Variants in MCM6 observed in about 807,000 individuals in gnomAD.
The protein encoded by MCM6 is DNA replication licensing factor MCM6.
A neutral mutation model predicts 94.3 loss-of-function variants in MCM6; 46 were observed. The ratio of observed to expected loss-of-function variants is 0.49; its 90% CI spans 0.39 to 0.62. The LOEUF (loss-of-function observed/expected upper bound fraction) is 0.62, where lower values mean the gene tolerates loss of function less well. Ranked by LOEUF, MCM6 falls within the 20% of genes least tolerant of loss-of-function variation. The probability of loss-of-function intolerance (pLI) is 0.00; values close to 1 mark genes in which losing one functional copy is unlikely to be tolerated. For synonymous variants in MCM6, 335 were observed against 351.9 expected, an observed-to-expected ratio of 0.95 and a Z score of 0.54; for missense variants, 865 against 1,017.9, an observed-to-expected ratio of 0.85 and a Z score of 2.04.
In MCM6 at chr2:135,859,315, T is replaced by A. The variant is rs1450786387; in HGVS notation, c.1348A>T (p.Met450Leu). The A allele has an allele frequency of 1.2e-6, 2 of 1,613,442 alleles. No homozygotes were observed. Among genetic ancestry groups the A allele is most frequent in the African/African-American group, 2.7e-5 (2 of 74,900 alleles). Residue 450 changes from methionine (M) to leucine (L), a missense_variant, in exon 9 of 17, where the codon ATG (methionine) becomes TTG (leucine). Transcript: ENST00000264156. ...HEFVIEAGAL[M>L]LADNGVCCID... ...AATGTTCTTACATTATCAGCCAACA[T>A]CAAAGCTCCAGCCTCAATGACAAAC...
intron 9 of MCM6, among the ~76,000 whole-genome samples, chr2:135,858,364 G>A (rs1358233717): frequency 6.6e-6 from 1 of 152,100 alleles, no homozygotes; most frequent in Admixed American, 6.6e-5. Flanking sequence ...GTGTGCACCT[G>A]TAATCCCAGA....
Position 135,866,155 on chromosome 2 carries a change from A to G in MCM6, c.904T>C (p.Cys302Arg). Residue 302 changes from cysteine (C) to arginine (R), a missense_variant, in exon 6 of 17, where the codon TGT becomes CGT. By Grantham distance (180) the Cys-to-Arg change is radical (BLOSUM62 -3). This residue lies in a region of MCM6 where 404 missense variants were observed against 451.9 expected (regional missense o/e 0.89). Coordinates refer to ENST00000264156, the MANE Select transcript of MCM6 (RefSeq NM_005915.6). ...ACCCTTGGGTTGGTTGGCGCAACAC[A>G]GCAGGCAAGAAAGACCAGCCTATAA... ...LSYRLVFLAC[C>R]VAPTNPRFGG... 6.2e-7 allele frequency: 1 copy of G among 1,614,150 alleles called. No homozygotes were observed. Among genetic ancestry groups the G allele is most frequent in the Non-Finnish European group, 8.5e-7 (1 of 1,180,014 alleles).
chr2:135,866,591 C>G lies in MCM6; in HGVS notation c.753G>C (p.Val251=). 6.2e-7 allele frequency: 1 copy of G among 1,613,360 alleles called. No individual in the cohort carries two copies. Among genetic ancestry groups the G allele is most frequent in the Non-Finnish European group, 8.5e-7 (1 of 1,179,736 alleles). Residue 251 remains valine, a synonymous_variant, in exon 5 of 17, where the codon GTG becomes GTC. Coordinates refer to ENST00000264156, the MANE Select transcript of MCM6 (RefSeq NM_005915.6). The part of the protein sequence containing the change: ...KCDFTGTLIV[V]PDVSKLSTPG... ...GTGTGCTAAGCTTGGAGACGTCAGG[C>G]ACAACAATCAGTGTCCCTGTAAAGT... is the stretch of plus-strand genomic sequence containing the variant.
intron 6 of MCM6, 109 bp downstream of exon 6, chr2:135,866,023 G>T (rs1680088407): frequency 8.1e-7 from 1 of 1,231,346 alleles, no homozygotes; most frequent in Admixed American, 2.5e-5. Flanking sequence ...GATCACTTGA[G>T]CCCAGAAAGT....
In MCM6 at chr2:135,859,332, A is replaced by G. The variant is rs780210863; in HGVS notation, c.1331T>C (p.Ile444Thr). Residue 444 changes from isoleucine (I) to threonine (T), a missense_variant, in exon 9 of 17, where the codon ATT becomes ACT. Coordinates refer to ENST00000264156, the MANE Select transcript of MCM6 (RefSeq NM_005915.6). ...VRDEESHEFV[I>T]EAGALMLADN... is the part of the protein sequence containing the mutation. ...AGCCAACATCAAAGCTCCAGCCTCA[A>G]TGACAAACTCATGAGATTCTTCATC... 1.2e-6 allele frequency: 2 copies of G among 1,613,866 alleles called. No individual in the cohort carries two copies. The highest frequency in any genetic ancestry group is 1.7e-5 in the Admixed American group (1 of 59,998).
At chr2:135,863,043 C>A (rs941695727) in intron 7 of MCM6, among the ~76,000 whole-genome samples, 1 of 152,180 alleles carries the variant, frequency 6.6e-6, no homozygotes, top group Non-Finnish European at 1.5e-5. Context: ...AAAACCTTAC[C>A]CAATGCCTTA....
At chr2:135,857,385 C>T (rs4988211) in intron 10 of MCM6, among the ~76,000 whole-genome samples, 10,015 of 152,148 alleles carry the variant, frequency 0.066, 887 homozygotes, top group African/African-American at 0.2. Context: ...CCTTATTTTC[C>T]TCCTCCTAAA....
intron 4 of MCM6, among the ~76,000 whole-genome samples, chr2:135,868,286 T>G (rs1029391412): frequency 1.3e-5 from 2 of 152,198 alleles, no homozygotes; most frequent in African/African-American, 4.8e-5. Flanking sequence ...AATGGAAATC[T>G]TACACTAACA....
At chr2:135,846,584 C>T (rs1385897614) in intron 14 of MCM6, among the ~76,000 whole-genome samples, 192 bp from the exon 15 acceptor site, 1 of 152,150 alleles carries the variant, frequency 6.6e-6, no homozygotes, top group African/African-American at 2.4e-5. Context: ...CTCAACTGAT[C>T]CTCCTGTCTT....
Position 135,848,156 on chromosome 2 carries a change from C to T in MCM6, c.1950G>A (p.Arg650=). ...CACGGATGATTGATTTATTCAGTAACCGGAAAGCTTCCTTCACATGTTTAG... is the reference window on the plus strand; with the variant it reads ...CACGGATGATTGATTTATTCAGTAATCGGAAAGCTTCCTTCACATGTTTAG... The part of the protein sequence containing the change: ...VQPKHVKEAF[R]LLNKSIIRVE... The change falls in exon 14 of 17, where the codon CGG becomes CGA. Residue 650 remains arginine, a synonymous_variant. Coordinates refer to ENST00000264156, the MANE Select transcript of MCM6 (RefSeq NM_005915.6). 6.2e-7 allele frequency: 1 copy of T among 1,612,276 alleles called. No individual in the cohort carries two copies. The highest frequency in any genetic ancestry group is 2.2e-5 in the East Asian group (1 of 44,864).
intron 11 of MCM6, among the ~76,000 whole-genome samples, chr2:135,854,754 T>G (rs1222370207): frequency 6.6e-6 from 1 of 151,848 alleles, no homozygotes; most frequent in Non-Finnish European, 1.5e-5. Flanking sequence ...ACATGTGTGG[T>G]CCCAGCTACT....
At chr2:135,874,251 T>C (rs184048969) in intron 1 of MCM6, among the ~76,000 whole-genome samples, 148 of 152,318 alleles carry the variant, frequency 9.7e-4, no homozygotes, top group African/African-American at 3.5e-3. Context: ...AGGATGGAAT[T>C]TGAATTCCAG....
intron 13 of MCM6, among the ~76,000 whole-genome samples, chr2:135,850,565 A>G (rs1156650963): frequency 6.6e-6 from 1 of 152,228 alleles, no homozygotes; most frequent in East Asian, 1.9e-4. Flanking sequence ...TACTTCGTCA[A>G]TAGTAAAGTA....
At chr2:135,855,290 T>G (rs191272702) in intron 11 of MCM6, among the ~76,000 whole-genome samples, 43 of 152,324 alleles carry the variant, frequency 2.8e-4, no homozygotes, top group African/African-American at 9.9e-4. Flanking sequence ...CAAACATAAA[T>G]GTATGAAAAT....
intron 4 of MCM6, 82 bp from the exon 5 acceptor site, chr2:135,866,810 T>TA (rs1344217242): frequency 1.7e-6 from 2 of 1,177,234 alleles, no homozygotes; most frequent in Non-Finnish European, 2.4e-6. Context: ...ATACCACAAA[T>TA]ACGGACGTAT....
intron 7 of MCM6, among the ~76,000 whole-genome samples, chr2:135,863,560 T>TA (rs949217012): frequency 6.7e-5 from 10 of 148,956 alleles, no homozygotes; most frequent in Non-Finnish European, 7.5e-5. Flanking sequence ...ACCCCATCTC[T>TA]AAAAAAAAAA....
At position 135,876,129 on chromosome 2, in the gene MCM6, G is replaced by A. The variant is rs1575370588; in HGVS notation, c.107+130C>T. ...CGGGCTCGGAGCCTAAAGTTGGGGG[G>A]CGGGCGGGGAGGCGCTTCCCGGACG... On this transcript the variant is annotated intron_variant, in intron 1 of 16. Transcript: ENST00000264156. The A allele has an allele frequency of 1.2e-5, 8 of 644,454 alleles. No homozygotes were observed. The South Asian group carries it at 1.8e-4, about 15-fold the overall frequency. The allele number at this position is 644,454 out of a possible 1,614,324, so 39.9% of individuals were successfully genotyped here.
intron 3 of MCM6, 70 bp from the exon 4 acceptor site, chr2:135,868,930 AGG>A: frequency 7.0e-7 from 1 of 1,421,570 alleles, no homozygotes; most frequent in Non-Finnish European, 9.8e-7. Context: ...TTTTAGTGAG[AGG>A]GTATTCAAAG....
intron 4 of MCM6, 43 bp downstream of exon 4, chr2:135,868,568 T>C (rs1025744687): frequency 8.2e-6 from 13 of 1,590,514 alleles, no homozygotes; most frequent in Middle Eastern, 1.7e-4. Flanking sequence ...AGTGAATTAT[T>C]ATCATAGATG....
Sources: gnomAD v4.1 joint callset for allele counts (sites outside exome capture counted in the v4.1 genomes callset) on GRCh38, gnomAD v4.1.1 for gene constraint, gnomAD v4.1.1 regional missense constraint, MANE v1.5 for transcripts, NCBI Gene and HGNC (gene_info 2026-07-23, HGNC 2026-07-21) for gene names.